LIFR: variants seen among roughly 807,000 people sequenced by gnomAD.
LIFR encodes the protein leukemia inhibitory factor receptor.
In LIFR, 84 loss-of-function variants were observed where a neutral mutation model predicts 122.2. That is an observed-to-expected ratio of 0.69 (90% CI 0.58 to 0.82). The LOEUF is 0.82. Among genes scored for constraint, LIFR ranks in the 40% least tolerant of loss-of-function variants. The pLI, the probability that LIFR is intolerant of heterozygous loss-of-function variation, is 0.00. For missense variants in LIFR, 1,294 were observed against 1,311.6 expected (o/e 0.99, Z 0.21); for synonymous variants, 422 against 434.7 (o/e 0.97, Z 0.36).
chr5:38,546,341 A>T (rs1477313019), intron 1 of LIFR, among the ~76,000 whole-genome samples: 2 of 152,246 alleles, frequency 1.3e-5, no homozygotes, highest in Admixed American at 1.3e-4. Flanking sequence ...ATGGGCAAAG[A>T]AATGTTACCT....
chr5:38,510,357 A>G (rs1321824249), intron 7 of LIFR, 107 bp downstream of exon 7: 4 of 1,036,510 alleles, frequency 3.9e-6, no homozygotes, highest in Non-Finnish European at 5.8e-6. Flanking sequence ...AGAAATGAGA[A>G]AGAAACAGAA....
intron 1 of LIFR, among the ~76,000 whole-genome samples, chr5:38,553,649 TA>T (rs1241390745): frequency 4.0e-5 from 4 of 100,086 alleles, no homozygotes; most frequent in Admixed American, 3.0e-4. Flanking sequence ...TATATATATA[TA>T]TATATATATA....
intron 1 of LIFR, among the ~76,000 whole-genome samples, chr5:38,571,909 C>T (rs751515743): frequency 2.5e-4 from 38 of 152,298 alleles, no homozygotes; most frequent in Admixed American, 1.4e-3. Flanking sequence ...GCAGGGAGGG[C>T]ATTACCCATG....
chr5:38,586,057 A>G (rs1580232867), intron 1 of LIFR, among the ~76,000 whole-genome samples: 1 of 151,936 alleles, frequency 6.6e-6, no homozygotes, highest in Admixed American at 6.6e-5. Flanking sequence ...CCTTTTCCCC[A>G]CTTCCCCAGC....
chr5:38,555,140 CCCGA>C (rs1748447423), intron 1 of LIFR: 4 of 152,040 alleles, frequency 2.6e-5, no homozygotes, highest in Admixed American at 1.3e-4. Flanking sequence ...AACAGTTGCC[CCCGA>C]CTATAAAGCA....
intron 1 of LIFR, among the ~76,000 whole-genome samples, chr5:38,540,023 A>G (rs1267232811): frequency 6.6e-6 from 1 of 152,190 alleles, no homozygotes; most frequent in Non-Finnish European, 1.5e-5. Context: ...TGGGATCTGT[A>G]GCCAACTCTG....
intron 14 of LIFR, among the ~76,000 whole-genome samples, chr5:38,491,121 C>T (rs1313141478): frequency 3.9e-5 from 6 of 152,184 alleles, no homozygotes; most frequent in Non-Finnish European, 7.3e-5. Context: ...CTCTTTATAA[C>T]ATCACCATTA....
In LIFR at chr5:38,594,598, T is replaced by A. The variant is rs1282949906; in HGVS notation, c.-20+663A>T. On this transcript the variant is annotated intron_variant, in intron 1 of 19. Coordinates refer to the LIFR transcript ENST00000263409. ...AGCTCTCTGTACTTTGTGCTCTGGC[T>A]TTTTATAAACCTAAAACTGCTCTAA... 5.3e-5 allele frequency among the ~76,000 whole-genome samples: 8 copies of A among 152,268 alleles called. No homozygotes were observed. In the Middle Eastern group the frequency reaches 0.01, roughly 194 times the overall value.
chr5:38,528,882 A>G (rs1255368015), intron 2 of LIFR, 42 bp from the exon 3 acceptor site: 2 of 1,056,354 alleles, frequency 1.9e-6, no homozygotes, highest in South Asian at 1.4e-5. Flanking sequence ...ACACACAGAC[A>G]CACATAAACA....
At chr5:38,526,421 G>GTC in intron 4 of LIFR, among the ~76,000 whole-genome samples, 1 of 143,218 alleles carries the variant, frequency 7.0e-6, no homozygotes, top group Middle Eastern at 3.6e-3. Context: ...TTTACTGTGT[G>GTC]TGTGTGTGTG....
chr5:38,579,313 C>T (rs1749503056), intron 1 of LIFR: 3 of 152,152 alleles, frequency 2.0e-5, no homozygotes. Context: ...CACGTGGCCA[C>T]ACTTGGGGCC....
chr5:38,580,378 T>C (rs1749541931), intron 1 of LIFR, among the ~76,000 whole-genome samples: 1 of 152,102 alleles, frequency 6.6e-6, no homozygotes, highest in African/African-American at 2.4e-5. Context: ...AAACCCATCC[T>C]CTCTTCTCTC....
At chr5:38,550,083 A>G (rs1748119887) in intron 1 of LIFR, 2 of 155,348 alleles carry the variant, frequency 1.3e-5, no homozygotes, top group Admixed American at 6.5e-5. Flanking sequence ...AGCGGTGAAC[A>G]TGCCTGACTA....
rs76622246 is a variant in LIFR, at chr5:38,536,368, C to T, written c.-19-5702G>A. Among the ~76,000 whole-genome samples the T allele has an allele frequency of 0.012, 1,782 of 151,768 alleles. 183 individuals are homozygous for T. The East Asian group carries it at 0.25, about 22-fold the overall frequency. On this transcript the variant is annotated intron_variant, in intron 1 of 19. Transcript: ENST00000453190. ...TAAAAAAACAGTAAAAAAAAAAGTA[C>T]CGTTTAACAACTGCTTACATAGCAT...
At chr5:38,594,223 C>T (rs1262211937) in intron 1 of LIFR, among the ~76,000 whole-genome samples, 5 of 151,998 alleles carry the variant, frequency 3.3e-5, no homozygotes, top group African/African-American at 1.2e-4. Flanking sequence ...GTGTACTTTC[C>T]TCAAAACGAT....
At chr5:38,505,063 T>C (rs1399315342) in intron 9 of LIFR, among the ~76,000 whole-genome samples, 1 of 152,088 alleles carries the variant, frequency 6.6e-6, no homozygotes, top group Non-Finnish European at 1.5e-5. Context: ...ATTTTATTTT[T>C]ATTTGGAGCT....
intron 1 of LIFR, among the ~76,000 whole-genome samples, chr5:38,568,297 C>G (rs1168607471): frequency 6.6e-6 from 1 of 152,116 alleles, no homozygotes. Context: ...TTGGAGGAGG[C>G]CTTCTTGAGA....
chr5:38,551,316 C>T (rs1394297743), intron 1 of LIFR, among the ~76,000 whole-genome samples: 1 of 152,182 alleles, frequency 6.6e-6, no homozygotes, highest in African/African-American at 2.4e-5. Flanking sequence ...ACTCGGGTGT[C>T]CTCAGGGGCT....
At position 38,481,802 on chromosome 5, in the gene LIFR, T is replaced by C. The variant is rs138418444; in HGVS notation, c.3087A>G (p.Arg1029=). ...EEDLDKTAGY[R]PQANVNTWNL... ...TCCATGTATTTACATTGGCCTGAGG[T>C]CTGTAACCCGCAGTTTTATCTAAGT... The change falls in exon 20 of 20, where the codon AGA becomes AGG. Residue 1029 remains arginine (R), a synonymous_variant. Transcript: ENST00000453190. The C allele has an allele frequency of 1.4e-4, 223 of 1,614,060 alleles. 1 individual carries two copies. In the African/African-American group the frequency reaches 2.4e-3, roughly 18 times the overall value.
Sources: gnomAD v4.1 joint callset for allele counts (sites outside exome capture counted in the v4.1 genomes callset) on GRCh38, gnomAD v4.1.1 for gene constraint, MANE v1.5 for transcripts, NCBI Gene and HGNC (gene_info 2026-07-23, HGNC 2026-07-21) for gene names.